The following INPP4B variants were observed in gnomAD, a reference collection of about 807,000 sequenced individuals.
The protein encoded by INPP4B is inositol polyphosphate-4-phosphatase type II B.
A neutral mutation model predicts 122.5 loss-of-function variants in INPP4B; 55 were observed. The ratio of observed to expected loss-of-function variants is 0.45; its 90% CI spans 0.36 to 0.56. INPP4B has a LOEUF of 0.56. Among genes scored for constraint, INPP4B ranks in the 20% least tolerant of loss-of-function variants. The pLI is 0.00. For synonymous variants in INPP4B, 403 were observed against 388.7 expected (o/e 1.04, Z -0.43); for missense variants, 1,000 against 1,097.7 (o/e 0.91, Z 1.26).
At chr4:142,762,252 A>C (rs1771450413) in intron 1 of INPP4B, among the ~76,000 whole-genome samples, 2 of 152,166 alleles carry the variant, frequency 1.3e-5, no homozygotes, top group Non-Finnish European at 2.9e-5. Context: ...ACACTGGTTA[A>C]TACTAGAGTG....
chr4:142,124,489 A>T (rs1797861085), intron 19 of INPP4B, 99 bp downstream of exon 19: 1 of 1,106,538 alleles, frequency 9.0e-7, no homozygotes, highest in African/African-American at 1.6e-5. Flanking sequence ...GGATCTTTTT[A>T]AAAATAAAGC....
chr4:142,307,495 A>G (rs956204731), intron 8 of INPP4B, among the ~76,000 whole-genome samples: 4 of 152,182 alleles, frequency 2.6e-5, no homozygotes, highest in Admixed American at 6.5e-5. Flanking sequence ...ATTTACTGAC[A>G]ATGAATGAAT....
chr4:142,615,284 TAGAA>T (rs2150353228), intron 2 of INPP4B, among the ~76,000 whole-genome samples: 1 of 152,254 alleles, frequency 6.6e-6, no homozygotes, highest in African/African-American at 2.4e-5. Flanking sequence ...TTATACATTT[TAGAA>T]AGGAAGGAGT....
chr4:142,295,752 CT>C (rs142874073), intron 9 of INPP4B, among the ~76,000 whole-genome samples: 25 of 143,822 alleles, frequency 1.7e-4, no homozygotes, highest in South Asian at 8.8e-4. Flanking sequence ...TTTTTCTTTT[CT>C]TTTTTTTTTA....
intron 2 of INPP4B, among the ~76,000 whole-genome samples, chr4:142,646,185 T>C (rs1244374166): frequency 6.6e-6 from 1 of 152,208 alleles, no homozygotes; most frequent in Admixed American, 6.5e-5. Context: ...TGTTGGTGCA[T>C]TTTATTGTAT....
chr4:142,829,019 T>C (rs1462244905), intron 1 of INPP4B, among the ~76,000 whole-genome samples: 1 of 147,022 alleles, frequency 6.8e-6, no homozygotes, highest in African/African-American at 2.5e-5. Context: ...GGATCATAGG[T>C]AGATCAGAGG....
chr4:142,236,207 G>T (rs1400788047), intron 12 of INPP4B, among the ~76,000 whole-genome samples: 2 of 152,110 alleles, frequency 1.3e-5, no homozygotes, highest in African/African-American at 4.8e-5. Context: ...TCATTACATG[G>T]CTCTAGTAAG....
intron 1 of INPP4B, among the ~76,000 whole-genome samples, chr4:142,757,902 G>C (rs2150965430): frequency 6.6e-6 from 1 of 152,172 alleles, no homozygotes; most frequent in East Asian, 1.9e-4. Flanking sequence ...TTGTTTCTGT[G>C]GTGCTTTTTT....
intron 2 of INPP4B, among the ~76,000 whole-genome samples, chr4:142,513,790 A>G (rs1367382229): frequency 6.6e-6 from 1 of 152,188 alleles, no homozygotes; most frequent in African/African-American, 2.4e-5. Flanking sequence ...AAGGCCCCCA[A>G]CGCCTAATAC....
chr4:142,413,142 G>C (rs1397274673), intron 5 of INPP4B, among the ~76,000 whole-genome samples: 1 of 152,096 alleles, frequency 6.6e-6, no homozygotes, highest in East Asian at 1.9e-4. Context: ...ATAAAAGTTG[G>C]CATTAAAAAA....
rs1737649453 is a variant in INPP4B, at chr4:142,028,248, C to A, written c.*534G>T. Reference sequence around the variant, plus strand: ...TAGAGATCATTGTGGAACATACCTGCAAACTGCCTCAGTATTCCAGATCAT... The same window carrying A: ...TAGAGATCATTGTGGAACATACCTGAAAACTGCCTCAGTATTCCAGATCAT... On this transcript the variant is annotated 3_prime_UTR_variant, in exon 26 of 26. Coordinates refer to ENST00000262992, the MANE Select transcript of INPP4B (RefSeq NM_001101669.3). The A allele has an allele frequency of 4.4e-6, 1 of 226,874 alleles. No homozygotes were observed. The highest frequency in any genetic ancestry group is 2.2e-5 in the African/African-American group (1 of 44,972). 14.1% of individuals were successfully genotyped at this position (226,874 alleles called of 1,614,324 possible).
At position 142,028,522 on chromosome 4, in the gene INPP4B, A is replaced by AATCT. The variant is rs1737752632; in HGVS notation, c.*256_*259dup. 1 of 419,828 alleles carries AATCT rather than the reference A, an allele frequency of 2.4e-6. No individual in the cohort carries two copies. The highest frequency in any genetic ancestry group is 2.0e-5 in the African/African-American group (1 of 50,108). 26.0% of individuals were successfully genotyped at this position (419,828 alleles called of 1,614,324 possible). ...GAATGAAATTTACACTTTGTGAACCAATCTCAATCAGCTAGGCTCAACACA... is the reference window on the plus strand; with the variant it reads ...GAATGAAATTTACACTTTGTGAACCAATCTATCTCAATCAGCTAGGCTCAACACA... On this transcript the variant is annotated 3_prime_UTR_variant, in exon 26 of 26. Transcript: ENST00000262992.
At chr4:142,835,049 C>T (rs1354352104) in intron 1 of INPP4B, among the ~76,000 whole-genome samples, 1 of 152,204 alleles carries the variant, frequency 6.6e-6, no homozygotes, top group Non-Finnish European at 1.5e-5. Flanking sequence ...TGGTAACCCA[C>T]CCATGTGGAA....
chr4:142,096,433 C>T (rs1781809455), intron 23 of INPP4B, among the ~76,000 whole-genome samples: 1 of 152,022 alleles, frequency 6.6e-6, no homozygotes, highest in South Asian at 2.1e-4. Context: ...AGCAGGTGGA[C>T]CTTTGTATAT....
At chr4:142,746,180 G>T (rs1768714146) in intron 1 of INPP4B, among the ~76,000 whole-genome samples, 1 of 151,736 alleles carries the variant, frequency 6.6e-6, no homozygotes, top group Admixed American at 6.6e-5. Flanking sequence ...ATCATGATAG[G>T]ACATACACTA....
intron 1 of INPP4B, among the ~76,000 whole-genome samples, chr4:142,777,688 A>G (rs1774143549): frequency 6.6e-6 from 1 of 152,174 alleles, no homozygotes; most frequent in African/African-American, 2.4e-5. Context: ...GCACCCAGAA[A>G]CTACTTACAC....
At chr4:142,195,537 A>T (rs539997699) in intron 14 of INPP4B, among the ~76,000 whole-genome samples, 1 of 152,328 alleles carries the variant, frequency 6.6e-6, no homozygotes, top group African/African-American at 2.4e-5. Flanking sequence ...TCATGCGGGT[A>T]TGCCTACGTC....
intron 1 of INPP4B, among the ~76,000 whole-genome samples, chr4:142,736,140 C>G (rs1338609583): frequency 2.0e-5 from 3 of 152,092 alleles, no homozygotes; most frequent in African/African-American, 4.8e-5. Context: ...ATACAGAATT[C>G]CAAGCTCCAC....
intron 2 of INPP4B, among the ~76,000 whole-genome samples, chr4:142,647,931 T>C (rs1752142063): frequency 6.6e-6 from 1 of 152,260 alleles, no homozygotes; most frequent in South Asian, 2.1e-4. Context: ...TATCAGTTGA[T>C]TGACTGTGTA....
Sources: allele counts gnomAD v4.1 joint callset (sites outside exome capture counted in the v4.1 genomes callset), GRCh38; gene constraint gnomAD v4.1.1; transcripts MANE v1.5; gene names NCBI Gene and HGNC (gene_info 2026-07-23, HGNC 2026-07-21).